The following CCDC3 variants were observed in gnomAD, a reference collection of about 807,000 sequenced individuals.
CCDC3 encodes the protein coiled-coil domain-containing protein 3.
CCDC3 carries 24 observed loss-of-function variants against 21.4 expected under a neutral mutation model. That is an observed-to-expected ratio of 1.12 (90% CI 0.81 to 1.58). The LOEUF (loss-of-function observed/expected upper bound fraction) is 1.58. Ranked by LOEUF, CCDC3 falls within the 40% of genes most tolerant of loss-of-function variation. The pLI, the probability that CCDC3 is intolerant of heterozygous loss-of-function variation, is 0.00. For missense variants in CCDC3, 425 were observed against 360.9 expected (o/e 1.18, Z -1.44); for synonymous variants, 186 against 166.0 (o/e 1.12, Z -0.93).
Position 13,001,217 on chromosome 10 carries a change from G to T in CCDC3, c.354C>A (p.Tyr118Ter), listed in dbSNP as rs773768684. 6.4e-7 allele frequency: 1 copy of T among 1,562,262 alleles called. No individual in the cohort carries two copies. The highest frequency in any genetic ancestry group is 1.4e-5 in the African/African-American group (1 of 73,740). The stretch of plus-strand genomic sequence containing the variant: ...CTCACCTGAGGAAGAAGAAATAGGA[G>T]TAGTCCTGGACCACGGTGTGGGAGT... ...SCHSHTVVQD[Y>*]SYFFFLRMDE... is the part of the protein sequence containing the mutation. Residue 118 changes from tyrosine (Y) to a stop codon, truncating the protein, a stop_gained, in exon 1 of 3, where the codon TAC becomes TAA. Transcript: ENST00000378825. LOFTEE classifies it high-confidence loss of function.
chr10:13,061,388 C>T (rs1456675739), intron 4 of CCDC3, among the ~76,000 whole-genome samples: 2 of 152,206 alleles, frequency 1.3e-5, no homozygotes, highest in Non-Finnish European at 2.9e-5. Context: ...TTACATGACG[C>T]AGCCTCATCT....
intron 5 of CCDC3, among the ~76,000 whole-genome samples, chr10:13,044,202 T>C (rs1320860301): frequency 6.6e-6 from 1 of 152,196 alleles, no homozygotes; most frequent in African/African-American, 2.4e-5. Flanking sequence ...TCTAATAAGG[T>C]TATTGTTTCT....
intron 5 of CCDC3, chr10:13,049,636 G>C (rs1031550446): frequency 1.6e-4 from 24 of 152,100 alleles, no homozygotes; most frequent in South Asian, 4.2e-4. Flanking sequence ...CCCTTTTATG[G>C]GAAAACAAAG....
intron 2 of CCDC3, among the ~76,000 whole-genome samples, chr10:12,993,552 C>T (rs746661349): frequency 3.9e-5 from 6 of 152,122 alleles, no homozygotes; most frequent in African/African-American, 9.7e-5. Context: ...GGGACAGTAA[C>T]GGCAGAGAGG....
intron 2 of CCDC3, 93 bp downstream of exon 2, chr10:12,998,245 G>C (rs1345993664): frequency 7.2e-7 from 1 of 1,389,922 alleles, no homozygotes; most frequent in Non-Finnish European, 9.9e-7. Context: ...TGGGCTTTTG[G>C]AAGAGTATTC....
chr10:12,958,882 C>A (rs921281597), intron 2 of CCDC3, among the ~76,000 whole-genome samples: 3 of 152,214 alleles, frequency 2.0e-5, no homozygotes, highest in Non-Finnish European at 1.5e-5. Context: ...AGGTCCCCAC[C>A]TGTTCCTTGA....
At chr10:12,924,095 C>A (rs1403894611) in intron 2 of CCDC3, among the ~76,000 whole-genome samples, 2 of 152,196 alleles carry the variant, frequency 1.3e-5, no homozygotes, top group East Asian at 1.9e-4. Flanking sequence ...CTGCTTTAAG[C>A]ACCTACTATC....
chr10:13,056,163 C>A (rs1471277237), intron 4 of CCDC3, among the ~76,000 whole-genome samples: 2 of 152,142 alleles, frequency 1.3e-5, no homozygotes, highest in African/African-American at 4.8e-5. Flanking sequence ...CAAGTCAATG[C>A]AGGGACTTTG....
At chr10:13,033,746 C>T (rs945970144) in intron 5 of CCDC3, among the ~76,000 whole-genome samples, 8 of 152,176 alleles carry the variant, frequency 5.3e-5, no homozygotes, top group African/African-American at 1.4e-4. Flanking sequence ...AAAAAATGCT[C>T]GTCATCACTG....
At position 13,038,930 on chromosome 10, in the gene CCDC3, C is replaced by T. The variant is rs551430449; in HGVS notation, c.-2+10744G>A. The stretch of plus-strand genomic sequence containing the variant: ...GGTGGTTCCTTTAGCTCCCATTGGG[C>T]GACTTCTGGAAGTCCAGTTCCCTTC... On this transcript the variant is annotated intron_variant, in intron 5 of 6. Transcript: ENST00000378839. Among the ~76,000 whole-genome samples the T allele has an allele frequency of 6.9e-4, 105 of 152,294 alleles. No individual in the cohort carries two copies. In the South Asian group the frequency reaches 7.0e-3, roughly 10 times the overall value.
intron 5 of CCDC3, among the ~76,000 whole-genome samples, chr10:13,023,641 G>T (rs1836176094): frequency 6.6e-6 from 1 of 152,126 alleles, no homozygotes; most frequent in Non-Finnish European, 1.5e-5. Context: ...TGAATCCCAG[G>T]AAATAAGATT....
At chr10:13,062,711 T>C (rs1304725238) in intron 4 of CCDC3, among the ~76,000 whole-genome samples, 1 of 152,154 alleles carries the variant, frequency 6.6e-6, no homozygotes, top group Admixed American at 6.5e-5. Context: ...ACCTCCTTTT[T>C]GCTTGGGGAC....
chr10:12,936,736 C>A (rs1003704937), intron 2 of CCDC3, among the ~76,000 whole-genome samples: 2 of 152,130 alleles, frequency 1.3e-5, no homozygotes, highest in Admixed American at 6.5e-5. Flanking sequence ...CTGAGGCCCC[C>A]ATCTGTGCAA....
chr10:13,065,356 A>T (rs890848067), intron 4 of CCDC3, among the ~76,000 whole-genome samples: 3 of 152,204 alleles, frequency 2.0e-5, no homozygotes, highest in Non-Finnish European at 1.5e-5. Flanking sequence ...ACATCAAAAC[A>T]TCCTACTATT....
Position 13,079,895 on chromosome 10 carries a change from T to C in CCDC3, c.-502-5795A>G, listed in dbSNP as rs150498410. Reference sequence around the variant, plus strand: ...GAAAGCAAAAATCTTTTGGCAAAGTTCCAAAGTTCTCTAGACGAGGTTAAA... The same window carrying C: ...GAAAGCAAAAATCTTTTGGCAAAGTCCCAAAGTTCTCTAGACGAGGTTAAA... On this transcript the variant is annotated intron_variant, in intron 3 of 6. Coordinates refer to the CCDC3 transcript ENST00000378839. 3.2e-4 allele frequency among the ~76,000 whole-genome samples: 49 copies of C among 151,878 alleles called. No individual in the cohort carries two copies. The East Asian group carries it at 9.0e-3, about 28-fold the overall frequency.
chr10:12,944,970 A>C (rs1201395156), intron 2 of CCDC3, among the ~76,000 whole-genome samples: 4 of 152,220 alleles, frequency 2.6e-5, no homozygotes, highest in Non-Finnish European at 5.9e-5. Flanking sequence ...ATGTGTACAA[A>C]CAACAATTTC....
intron 2 of CCDC3, among the ~76,000 whole-genome samples, chr10:12,925,889 TTATG>T (rs1245497922): frequency 6.6e-6 from 1 of 152,184 alleles, no homozygotes; most frequent in Non-Finnish European, 1.5e-5. Flanking sequence ...AGCTCAAACT[TTATG>T]TATGAGGCAG....
intron 2 of CCDC3, among the ~76,000 whole-genome samples, chr10:12,954,633 C>G (rs559907020): frequency 6.6e-6 from 1 of 152,186 alleles, no homozygotes; most frequent in South Asian, 2.1e-4. Context: ...TTTTAATAAC[C>G]AGCTTTCATA....
intron 3 of CCDC3, among the ~76,000 whole-genome samples, chr10:13,093,653 T>C (rs1388866506): frequency 1.3e-5 from 2 of 152,002 alleles, no homozygotes; most frequent in Non-Finnish European, 2.9e-5. Context: ...GATGAAGAGG[T>C]CAAGGCCTAG....
Sources: gnomAD v4.1 joint callset for allele counts (sites outside exome capture counted in the v4.1 genomes callset) on GRCh38, gnomAD v4.1.1 for gene constraint, MANE v1.5 for transcripts, NCBI Gene and HGNC (gene_info 2026-07-23, HGNC 2026-07-21) for gene names.